The following WDR31 variants were observed in gnomAD, a reference collection of about 807,000 sequenced individuals.
WDR31 encodes the protein WD repeat-containing protein 31.
Under a neutral mutation model 47.3 loss-of-function variants are expected in WDR31, and 30 were observed. That is an observed-to-expected ratio of 0.63 (90% CI 0.47 to 0.86). WDR31 has a LOEUF of 0.86. WDR31 is among the 40% of genes least tolerant of loss of function. WDR31 has a pLI of 0.00. For synonymous variants in WDR31, 137 were observed against 159.4 expected (o/e 0.86, Z 1.06); for missense variants, 406 against 442.9 (o/e 0.92, Z 0.75).
intron 5 of WDR31, among the ~76,000 whole-genome samples, chr9:113,324,458 C>T (rs538358677): frequency 4.0e-5 from 6 of 148,750 alleles, no homozygotes; most frequent in Admixed American, 6.8e-5. Flanking sequence ...GACCTGGTCT[C>T]GGTTCACTGC....
chr9:113,318,677 C>T (rs894752718), intron 9 of WDR31, 40 bp from the exon 10 acceptor site: 3 of 1,606,420 alleles, frequency 1.9e-6, no homozygotes, highest in African/African-American at 2.7e-5. Context: ...AGTCACTTGT[C>T]TAGCTTCATC....
chr9:113,332,830 T>C (rs1383618408), intron 2 of WDR31, among the ~76,000 whole-genome samples: 1 of 152,224 alleles, frequency 6.6e-6, no homozygotes, highest in East Asian at 1.9e-4. Context: ...TCATGAATAC[T>C]TGGTGACATC....
chr9:113,336,510 C>T (rs1833718304), intron 1 of WDR31, 70 bp from the exon 2 acceptor site: 1 of 152,170 alleles, frequency 6.6e-6, no homozygotes, highest in African/African-American at 2.4e-5. Context: ...AGTTTTCCCT[C>T]ACAAAGAAAG....
In WDR31 at chr9:113,316,665, T is replaced by G; in HGVS notation, c.*84A>C. On this transcript the variant is annotated 3_prime_UTR_variant, in exon 11 of 11. Transcript: ENST00000374193. ...AAAGAATACCAGCCCTACATCCCACTCCCCTCAAGATAACTGGGAAAGACA... is the reference window on the plus strand; with the variant it reads ...AAAGAATACCAGCCCTACATCCCACGCCCCTCAAGATAACTGGGAAAGACA... 3 of 1,494,704 alleles carry G rather than the reference T, an allele frequency of 2.0e-6. No individual in the cohort carries two copies. Among genetic ancestry groups the G allele is most frequent in the Non-Finnish European group, 2.7e-6 (3 of 1,111,144 alleles). The allele number at this position is 1,494,704 out of a possible 1,614,324, so 92.6% of individuals were successfully genotyped here.
rs558349557 is a variant in WDR31 at position 113,317,010 on chromosome 9, A to G, written c.944-101T>C. 4.3e-6 allele frequency: 6 copies of G among 1,380,920 alleles called. No individual in the cohort carries two copies. In the East Asian group the frequency reaches 1.2e-4, roughly 28 times the overall value. The allele number at this position is 1,380,920 out of a possible 1,614,324, so 85.5% of individuals were successfully genotyped here. On this transcript the variant is annotated intron_variant, in intron 10 of 10. Coordinates refer to ENST00000374193, the MANE Select transcript of WDR31 (RefSeq NM_001012361.4). The stretch of plus-strand genomic sequence containing the variant: ...CAAGGAAATAAAGCATTTGCTGTAC[A>G]TATCTAACCCGTATGAGAGAGACCC...
At chr9:113,321,602 A>C in intron 7 of WDR31, 24 bp from the exon 8 acceptor site, 1 of 1,605,650 alleles carries the variant, frequency 6.2e-7, no homozygotes, top group Non-Finnish European at 8.5e-7. Context: ...AATGTTCAGA[A>C]CTTCTCCACA....
In WDR31 at chr9:113,320,418, A is replaced by G. The variant is rs756948515; in HGVS notation, c.719T>C (p.Val240Ala). Residue 240 changes from valine (V) to alanine (A), a missense_variant, in exon 9 of 11, where the codon GTG (valine) becomes GCG (alanine). Val to Ala is a moderately conservative substitution (Grantham distance 64, BLOSUM62 0). Transcript: ENST00000374193. ...QHIQTYCEVS[V>A]DGHKCISCSN... Reference sequence around the variant, plus strand: ...GCAGGAGATACACTTGTGTCCATCCACACTGACTTCACAGTAGGTCTGAAT... The same window carrying G: ...GCAGGAGATACACTTGTGTCCATCCGCACTGACTTCACAGTAGGTCTGAAT... 7.4e-6 allele frequency: 12 copies of G among 1,614,146 alleles called. No homozygotes were observed. In the East Asian group the frequency reaches 2.4e-4, roughly 33 times the overall value.
chr9:113,322,693 G>A (rs1275037397), intron 7 of WDR31, 118 bp downstream of exon 7: 5 of 951,154 alleles, frequency 5.3e-6, no homozygotes, highest in Non-Finnish European at 7.9e-6. Context: ...TTAGGGGACA[G>A]CAATTGGGAC....
chr9:113,316,606 A>T lies in WDR31; in HGVS notation c.*143T>A. On this transcript the variant is annotated 3_prime_UTR_variant, in exon 11 of 11. Transcript: ENST00000374193. ...TCACTGGACTTAAATTATTGGACTTACAACACTGATACATCTTGTAAATGA... is the reference window on the plus strand; with the variant it reads ...TCACTGGACTTAAATTATTGGACTTTCAACACTGATACATCTTGTAAATGA... 1 of 1,023,028 alleles carries T rather than the reference A, an allele frequency of 9.8e-7. No individual in the cohort carries two copies. The highest frequency in any genetic ancestry group is 1.4e-6 in the Non-Finnish European group (1 of 716,608). The allele number at this position is 1,023,028 out of a possible 1,614,324, so 63.4% of individuals were successfully genotyped here.
In WDR31 at chr9:113,323,046, T is replaced by C. The variant is rs1468716044; in HGVS notation, c.434A>G (p.His145Arg). The C allele has an allele frequency of 3.7e-6, 6 of 1,614,084 alleles. No individual in the cohort carries two copies. Among genetic ancestry groups the C allele is most frequent in the Middle Eastern group, 1.6e-4 (1 of 6,084 alleles). ...AGCCAATCCGGTGACCACCATGGCA[T>C]GGCCACACAATTGCTGCCTTGGTTG... Reference protein sequence around the residue: ...SSQPRQQLCGHAMVVTGLAVS... With the variant: ...SSQPRQQLCGRAMVVTGLAVS... Residue 145 changes from histidine to arginine, a missense_variant, in exon 6 of 11, where the codon CAT (histidine) becomes CGT (arginine). His to Arg is a conservative substitution (Grantham distance 29). Transcript: ENST00000374193.
intron 5 of WDR31, among the ~76,000 whole-genome samples, chr9:113,326,148 T>G (rs1407472723): frequency 6.6e-6 from 1 of 152,192 alleles, no homozygotes; most frequent in Non-Finnish European, 1.5e-5. Flanking sequence ...TGACCTCAGG[T>G]GATCTGCCCG....
At chr9:113,317,970 T>C (rs1270302760) in intron 10 of WDR31, among the ~76,000 whole-genome samples, 1 of 152,258 alleles carries the variant, frequency 6.6e-6, no homozygotes, top group Non-Finnish European at 1.5e-5. Context: ...GCTGGCTCCA[T>C]CCAGCAGATC....
At position 113,313,781 on chromosome 9, in the gene WDR31, ACTAT is replaced by A. The variant is rs1341855556; in HGVS notation, c.*2964_*2967del. On this transcript the variant is annotated 3_prime_UTR_variant, in exon 11 of 11. Transcript: ENST00000374193. ...GCTCAGTGACCGGGCTTCCTCTCCC[ACTAT>A]CTCTTTGTCTTTCCAGAGTTGAAAG... 6.6e-6 allele frequency: 1 copy of A among 152,174 alleles called. No homozygotes were observed. The highest frequency in any genetic ancestry group is 1.5e-5 in the Non-Finnish European group (1 of 68,038). 9.4% of individuals were successfully genotyped at this position (152,174 alleles called of 1,614,324 possible).
chr9:113,336,159 G>C, intron 2 of WDR31, 129 bp downstream of exon 2: 1 of 152,192 alleles, frequency 6.6e-6, no homozygotes, highest in East Asian at 1.9e-4. Context: ...TAGGTCACTG[G>C]AAATTGCAGA....
rs572671680 is a variant in WDR31 at position 113,316,357 on chromosome 9, T to C, written c.*392A>G. 6.1e-6 allele frequency: 1 copy of C among 164,478 alleles called. No homozygotes were observed. The highest frequency in any genetic ancestry group is 2.4e-5 in the African/African-American group (1 of 42,016). The allele number at this position is 164,478 out of a possible 1,614,324, so 10.2% of individuals were successfully genotyped here. ...TCTCTCTCCCCACTGCCTTTTTTCT[T>C]TTGTAAAGACTTGCAAAGGGTCAGT... On this transcript the variant is annotated 3_prime_UTR_variant, in exon 11 of 11. Coordinates refer to ENST00000374193, the MANE Select transcript of WDR31 (RefSeq NM_001012361.4).
At position 113,316,884 on chromosome 9, in the gene WDR31, A is replaced by G; in HGVS notation, c.969T>C (p.Asp323=). 6.2e-7 allele frequency: 1 copy of G among 1,614,026 alleles called. No individual in the cohort carries two copies. Among genetic ancestry groups the G allele is most frequent in the South Asian group, 1.1e-5 (1 of 91,056 alleles). ...TGACLFTLSL[D]GSGPLTSLAV... ...CCAGAGAAGTCAAGGGTCCTGATCC[A>G]TCCAGAGACAAGGTGAAAAGGCAGG... Residue 323 remains aspartate, a synonymous_variant, in exon 11 of 11, where the codon GAT becomes GAC. Transcript: ENST00000374193.
chr9:113,318,885 G>C (rs542941419), intron 9 of WDR31, among the ~76,000 whole-genome samples: 1 of 152,288 alleles, frequency 6.6e-6, no homozygotes, highest in African/African-American at 2.4e-5. Context: ...TGTCATATGA[G>C]TTTTTGCCTT....
intron 4 of WDR31, among the ~76,000 whole-genome samples, chr9:113,330,644 G>T (rs904013417): frequency 6.6e-6 from 1 of 152,182 alleles, no homozygotes; most frequent in Admixed American, 6.5e-5. Context: ...GGGATTGGTG[G>T]TAAGTATAAT....
rs117306464 is a variant in WDR31 at position 113,322,998 on chromosome 9, C to A, written c.469+13G>T. On this transcript the variant is annotated intron_variant, in intron 6 of 10. Coordinates refer to ENST00000374193, the MANE Select transcript of WDR31 (RefSeq NM_001012361.4). The stretch of plus-strand genomic sequence containing the variant: ...AGCACAAAGGCATTGGGAAGAGGTC[C>A]GCTTTGTTTTACCTGGACTCACAGC... 0.015 allele frequency: 24,178 copies of A among 1,613,720 alleles called. 236 individuals carry two copies. The highest frequency in any genetic ancestry group is 0.017 in the Non-Finnish European group (20,264 of 1,179,828).
Sources: gnomAD v4.1 joint callset for allele counts (sites outside exome capture counted in the v4.1 genomes callset) on GRCh38, gnomAD v4.1.1 for gene constraint, MANE v1.5 for transcripts, NCBI Gene and HGNC (gene_info 2026-07-23, HGNC 2026-07-21) for gene names.